UBR4: variants seen among roughly 807,000 people sequenced by gnomAD.
UBR4 encodes the protein E3 ubiquitin-protein ligase UBR4.
Under a neutral mutation model 575.6 loss-of-function variants are expected in UBR4, and 124 were observed. That is an observed-to-expected ratio of 0.22 (90% CI 0.19 to 0.25). The LOEUF (loss-of-function observed/expected upper bound fraction) is 0.25. Ranked by LOEUF, UBR4 falls within the 10% of genes least tolerant of loss-of-function variation. The pLI is 1.00. For synonymous variants in UBR4, 2,455 were observed against 2,473.7 expected (o/e 0.99, Z 0.22); for missense variants, 4,818 against 6,478.8 (o/e 0.74, Z 8.80).
chr1:19,167,211 G>C lies in UBR4; in HGVS notation c.3920C>G (p.Pro1307Arg). ...TAGCAGTGTCCGAATTACCTGTGGTGGGTTCATCTCATCTGACCAACTTCA... is the reference window on the plus strand; with the variant it reads ...TAGCAGTGTCCGAATTACCTGTGGTCGGTTCATCTCATCTGACCAACTTCA... ...DLIVWSDEMN[P>R]PQVIRTLLPL... The change falls in exon 29 of 106, where the codon CCA becomes CGA. Residue 1307 changes from proline to arginine, a missense_variant. Physicochemically the swap from Pro to Arg is moderately radical, Grantham distance 103. Around this residue, in one of 29 missense-constraint regions of UBR4, gnomAD observed 1,172 missense variants for 1,259.7 expected, o/e 0.93. Coordinates refer to ENST00000375254, the MANE Select transcript of UBR4 (RefSeq NM_020765.3). 1 of 1,614,180 alleles carries C rather than the reference G, an allele frequency of 6.2e-7. No homozygotes were observed. The highest frequency in any genetic ancestry group is 8.5e-7 in the Non-Finnish European group (1 of 1,180,030).
rs1474338014 is a variant in UBR4, at chr1:19,117,571, A to C, written c.10630-157T>G. Among the ~76,000 whole-genome samples, 1 of 152,192 alleles carries C rather than the reference A, an allele frequency of 6.6e-6. No individual in the cohort carries two copies. Among genetic ancestry groups the C allele is most frequent in the Non-Finnish European group, 1.5e-5 (1 of 68,028 alleles). On this transcript the variant is annotated intron_variant, in intron 72 of 105. Coordinates refer to ENST00000375254, the MANE Select transcript of UBR4 (RefSeq NM_020765.3). The surrounding 1 kb of genome is among the most constrained non-coding windows in gnomAD (Gnocchi z 4.0). ...GAGATGGGGTCTCACCATCTTGCCC[A>C]GGCTGGTCTAAAACCCCTGGGCTCA...
Position 19,139,071 on chromosome 1 carries a change from A to G in UBR4, c.8731+12T>C, listed in dbSNP as rs74056762. 1.8e-3 allele frequency: 2,960 copies of G among 1,603,524 alleles called. 40 individuals are homozygous for G. The African/African-American group carries it at 0.035, about 19-fold the overall frequency. On this transcript the variant is annotated intron_variant, in intron 59 of 105. Transcript: ENST00000375254. This position sits in a 1 kb window ranked among gnomAD's most constrained non-coding sequence, Gnocchi z 4.2. ...TGCCCAAGGAGACAGGACCCCCGCC[A>G]TGGCACATTACCACTGTGCTCGCCA...
chr1:19,197,951 C>T lies in UBR4; in HGVS notation c.747G>A (p.Glu249=), dbSNP rs760412571. The change falls in exon 6 of 106, where the codon GAG becomes GAA. Residue 249 remains glutamate, a synonymous_variant. Transcript: ENST00000375254. ...GATAACAGTTGGGAGTCTTACCAAG[C>T]TCTTGAAGACTAGCCACGTTCTGAG... The part of the protein sequence containing the change: ...FIAQNVASLQ[E]LGGSEKLLRV... 3 of 1,614,126 alleles carry T rather than the reference C, an allele frequency of 1.9e-6. No homozygotes were observed. The East Asian group carries it at 6.7e-5, about 36-fold the overall frequency.
At chr1:19,150,902 A>T in intron 48 of UBR4, 109 bp from the exon 49 acceptor site, 1 of 1,038,086 alleles carries the variant, frequency 9.6e-7, no homozygotes. Flanking sequence ...TCAATTTTAT[A>T]GACATAGAGA....
chr1:19,152,408 C>T lies in UBR4; in HGVS notation c.6901G>A (p.Val2301Met). 4 of 1,613,962 alleles carry T rather than the reference C, an allele frequency of 2.5e-6. No individual in the cohort carries two copies. The highest frequency in any genetic ancestry group is 1.3e-5 in the African/African-American group (1 of 75,048). The stretch of plus-strand genomic sequence containing the variant: ...AGGAGGTCGTTACCACCAAACTCCA[C>T]ATCTGTCAGCTGCTGGTTGTGTTCA... ...FFEHNQQLTD[V>M]EFGGNDLLQV... is the part of the protein sequence containing the mutation. Residue 2301 changes from valine (V) to methionine (M), a missense_variant, in exon 47 of 106, where the codon GTG (valine) becomes ATG (methionine). Physicochemically the swap from Val to Met is conservative, Grantham distance 21. This residue lies in a region of UBR4 where 461 missense variants were observed against 606.9 expected (regional missense o/e 0.76). Transcript: ENST00000375254. The surrounding 1 kb of genome is among the most constrained non-coding windows in gnomAD (Gnocchi z 4.4).
rs2078088966 is a variant in UBR4, at chr1:19,096,717, A to G, written c.13391-67T>C. On this transcript the variant is annotated intron_variant, in intron 91 of 105. Coordinates refer to ENST00000375254, the MANE Select transcript of UBR4 (RefSeq NM_020765.3). ...GAAGATGGGAATAAAATAGGCCAGG[A>G]TAAGACAGCCCTATTCCTGGCTGAT... 5.0e-6 allele frequency: 8 copies of G among 1,588,370 alleles called. No individual in the cohort carries two copies. The South Asian group carries it at 9.2e-5, about 18-fold the overall frequency.
intron 104 of UBR4, 108 bp from the exon 105 acceptor site, chr1:19,077,010 C>T (rs1557453198): frequency 7.9e-7 from 1 of 1,258,710 alleles, no homozygotes; most frequent in East Asian, 2.5e-5. Context: ...GCCCTCCCAA[C>T]CTACACCAAA....
In UBR4 at chr1:19,173,482, C is replaced by T; in HGVS notation, c.3122G>A (p.Trp1041Ter). Residue 1041 changes from tryptophan (W) to a stop codon, truncating the protein, a stop_gained, in exon 23 of 106, where the codon TGG (tryptophan) becomes TAG (stop). Coordinates refer to ENST00000375254, the MANE Select transcript of UBR4 (RefSeq NM_020765.3). LOFTEE classifies it high-confidence loss of function. ...GGAGCTGATCCGGAGCCGAGAAGACCATCGCAGAGTGTGCAAGATGTCACA... is the reference window on the plus strand; with the variant it reads ...GGAGCTGATCCGGAGCCGAGAAGACTATCGCAGAGTGTGCAAGATGTCACA... ...SECDILHTLRWSSRLRISSYV... is the reference protein window; with the variant it reads ...SECDILHTLR 2 of 1,614,136 alleles carry T rather than the reference C, an allele frequency of 1.2e-6. No individual in the cohort carries two copies. Among genetic ancestry groups the T allele is most frequent in the Non-Finnish European group, 1.7e-6 (2 of 1,180,014 alleles).
chr1:19,150,911 G>A lies in UBR4; in HGVS notation c.7214-118C>T, dbSNP rs1381463883. ...ATCACGTCAATTTTATAGACATAGA[G>A]AAACTTTATCTTCTGAGATATTTGC... On this transcript the variant is annotated intron_variant, in intron 48 of 105. Transcript: ENST00000375254. 1.6e-5 allele frequency: 16 copies of A among 975,252 alleles called. No individual in the cohort carries two copies. In the East Asian group the frequency reaches 3.9e-4, roughly 24 times the overall value. 60.4% of individuals were successfully genotyped at this position (975,252 alleles called of 1,614,324 possible).
intron 52 of UBR4, chr1:19,146,258 A>G (rs2084855139): frequency 2.0e-6 from 1 of 502,730 alleles, no homozygotes; most frequent in East Asian, 5.7e-5. Flanking sequence ...AGATCTCTCT[A>G]GAACAATTCT....
chr1:19,121,820 C>G, intron 67 of UBR4, 114 bp downstream of exon 67: 2 of 1,220,444 alleles, frequency 1.6e-6, no homozygotes, highest in Non-Finnish European at 2.4e-6. Context: ...TCTGTCTAGT[C>G]TATCTTGTTC....
Position 19,092,863 on chromosome 1 carries a change from G to C in UBR4, c.14167C>G (p.Leu4723Val), listed in dbSNP as rs762040549. 6.2e-7 allele frequency: 1 copy of C among 1,613,462 alleles called. No homozygotes were observed. Among genetic ancestry groups the C allele is most frequent in the African/African-American group, 1.3e-5 (1 of 75,048 alleles). ...FLSRPALPFILRLLRGLAIQH... is the reference protein window; with the variant it reads ...FLSRPALPFIVRLLRGLAIQH... ...ATGGCCAGGCCCCGAAGCAGCCTTA[G>C]GATAAATGGCAAGGCTGGGCGAGAC... is the stretch of plus-strand genomic sequence containing the variant. Residue 4723 changes from leucine to valine, a missense_variant, in exon 97 of 106, where the codon CTA becomes GTA. By Grantham distance (32) the Leu-to-Val change is conservative. Transcript: ENST00000375254.
At chr1:19,164,502 TA>T in intron 32 of UBR4, 61 bp from the exon 33 acceptor site, 2 of 1,527,888 alleles carry the variant, frequency 1.3e-6, no homozygotes, top group Non-Finnish European at 8.9e-7. Context: ...CTGTGTGTTA[TA>T]AAGGAAGTTT....
Position 19,177,596 on chromosome 1 carries a change from G to C in UBR4, c.2502C>G (p.Val834=), listed in dbSNP as rs768990858. 5.6e-6 allele frequency: 9 copies of C among 1,613,008 alleles called. No individual in the cohort carries two copies. The African/African-American group carries it at 1.1e-4, about 19-fold the overall frequency. Residue 834 remains valine (V), a synonymous_variant, in exon 19 of 106, where the codon GTC becomes GTG. Transcript: ENST00000375254. ...TGACGCTCAACTCCTGGATGATCTG[G>C]ACAAAAAGCGACAATATGGCCCGCC... is the stretch of plus-strand genomic sequence containing the variant. ...TGRRAILSLF[V]QIIQELSVNM...
intron 100 of UBR4, 131 bp from the exon 101 acceptor site, chr1:19,086,401 C>A: frequency 1.5e-6 from 2 of 1,300,302 alleles, no homozygotes; most frequent in Non-Finnish European, 2.1e-6. Flanking sequence ...GGCTCCTGAC[C>A]CTGCGAAGAG....
chr1:19,081,720 A>T (rs1278048204), intron 102 of UBR4, 147 bp from the exon 103 acceptor site: 3 of 844,668 alleles, frequency 3.6e-6, no homozygotes, highest in Non-Finnish European at 6.1e-6. Flanking sequence ...ATCCTTGCCG[A>T]CTACTCCCAC....
intron 1 of UBR4, among the ~76,000 whole-genome samples, chr1:19,205,640 T>C (rs1405974335): frequency 1.6e-5 from 1 of 61,844 alleles, no homozygotes; most frequent in Non-Finnish European, 4.3e-5. Flanking sequence ...GGTGGCGGGC[T>C]TTTTTTTTTT....
Position 19,186,632 on chromosome 1 carries a change from T to C in UBR4, c.1658A>G (p.Lys553Arg). Reference sequence around the variant, plus strand: ...GCTGGCATCGCTGCTCATGGAGCCCTTCCTCTGCCGCTGCAGGACACATGC... The same window carrying C: ...GCTGGCATCGCTGCTCATGGAGCCCCTCCTCTGCCGCTGCAGGACACATGC... The part of the protein sequence containing the change: ...RKACVLQRQR[K>R]GSMSSDASAS... The change falls in exon 14 of 106, where the codon AAG (lysine) becomes AGG (arginine). Residue 553 changes from lysine to arginine, a missense_variant. Lys to Arg is a conservative substitution (Grantham distance 26). Around this residue, in one of 29 missense-constraint regions of UBR4, gnomAD observed 162 missense variants for 216.4 expected, o/e 0.75. Coordinates refer to ENST00000375254, the MANE Select transcript of UBR4 (RefSeq NM_020765.3). 6.2e-7 allele frequency: 1 copy of C among 1,614,162 alleles called. No homozygotes were observed. The highest frequency in any genetic ancestry group is 1.3e-5 in the African/African-American group (1 of 75,048).
intron 37 of UBR4, 46 bp downstream of exon 37, chr1:19,161,543 T>G: frequency 1.3e-6 from 2 of 1,544,832 alleles, no homozygotes; most frequent in Non-Finnish European, 1.7e-6. Context: ...AGTAATCCCG[T>G]GTCACTAACA....
Sources: gnomAD v4.1 joint callset for allele counts (sites outside exome capture counted in the v4.1 genomes callset) on GRCh38, gnomAD v4.1.1 for gene constraint, gnomAD v4.1.1 regional missense constraint, Gnocchi (gnomAD v3.1) non-coding constraint, MANE v1.5 for transcripts, NCBI Gene and HGNC (gene_info 2026-07-23, HGNC 2026-07-21) for gene names.